Variants in SLC35F4 observed in about 807,000 individuals in gnomAD.
The protein encoded by SLC35F4 is chromosome 14 open reading frame 36.
In SLC35F4, 24 loss-of-function variants were observed where a neutral mutation model predicts 44.2. That is an observed-to-expected ratio of 0.54 (90% confidence interval 0.39 to 0.76). The LOEUF (loss-of-function observed/expected upper bound fraction) is 0.76. Ranked by LOEUF, SLC35F4 falls within the 30% of genes least tolerant of loss-of-function variation. The probability of loss-of-function intolerance (pLI) is 0.00; values close to 1 mark genes in which losing one functional copy is unlikely to be tolerated. For missense variants in SLC35F4, 562 were observed against 586.1 expected (o/e 0.96, Z 0.42); for synonymous variants, 238 against 223.6 (o/e 1.06, Z -0.57).
chr14:57,913,092 T>A (rs1233465811), intron 1 of SLC35F4, among the ~76,000 whole-genome samples: 1 of 152,098 alleles, frequency 6.6e-6, no homozygotes, highest in Non-Finnish European at 1.5e-5. Context: ...ACTACCACTT[T>A]CTTTTCATTA....
intron 1 of SLC35F4, among the ~76,000 whole-genome samples, chr14:57,766,641 C>T (rs915451743): frequency 6.6e-6 from 1 of 152,164 alleles, no homozygotes; most frequent in East Asian, 1.9e-4. Flanking sequence ...ACATTGGGTA[C>T]TTAAAATGAA....
chr14:57,662,386 A>T (rs1344681278), intron 1 of SLC35F4, among the ~76,000 whole-genome samples: 2 of 152,210 alleles, frequency 1.3e-5, no homozygotes, highest in East Asian at 3.8e-4. Flanking sequence ...AGAGTTGGAC[A>T]TTTAAGAAAT....
At chr14:57,632,302 C>T (rs550220794) in intron 1 of SLC35F4, among the ~76,000 whole-genome samples, 3 of 151,954 alleles carry the variant, frequency 2.0e-5, no homozygotes, top group South Asian at 2.1e-4. Flanking sequence ...TTTTGAATGT[C>T]TGGATCAAAA....
rs370955700 is a variant in SLC35F4, at chr14:57,585,003, G to A, written c.588-3570C>T. Reference sequence around the variant, plus strand: ...AATGCAAGATCATGTCTATTTGGATGGGAATCAAATATAAAATATCTTTAG... The same window carrying A: ...AATGCAAGATCATGTCTATTTGGATAGGAATCAAATATAAAATATCTTTAG... On this transcript the variant is annotated intron_variant, in intron 3 of 7. Coordinates refer to ENST00000556826, the MANE Select transcript of SLC35F4 (RefSeq NM_001306087.2). Among the ~76,000 whole-genome samples, 3 of 152,116 alleles carry A rather than the reference G, an allele frequency of 2.0e-5. No homozygotes were observed. The East Asian group carries it at 5.8e-4, about 29-fold the overall frequency.
intron 1 of SLC35F4, among the ~76,000 whole-genome samples, chr14:57,747,168 TCAGAA>T (rs1212048525): frequency 8.5e-5 from 13 of 152,144 alleles, no homozygotes; most frequent in Admixed American, 8.5e-4. Flanking sequence ...GAAGGTTATC[TCAGAA>T]CAAAGGGCCT....
At chr14:57,814,060 T>C (rs969261995) in intron 1 of SLC35F4, among the ~76,000 whole-genome samples, 4 of 152,218 alleles carry the variant, frequency 2.6e-5, no homozygotes, top group Admixed American at 1.3e-4. Context: ...AGGATGCAGC[T>C]GTATGTATGT....
At chr14:57,789,699 A>C (rs2077864091) in intron 1 of SLC35F4, among the ~76,000 whole-genome samples, 1 of 152,112 alleles carries the variant, frequency 6.6e-6, no homozygotes. Flanking sequence ...ACCAAAAATA[A>C]AATTTCAGAC....
At chr14:57,874,581 C>T (rs1331722057) in intron 1 of SLC35F4, among the ~76,000 whole-genome samples, 1 of 152,172 alleles carries the variant, frequency 6.6e-6, no homozygotes, top group African/African-American at 2.4e-5. Flanking sequence ...ACAGATGGTT[C>T]AGAGGCCCCT....
At position 57,637,086 on chromosome 14, in the gene SLC35F4, C is replaced by T. The variant is rs150620992; in HGVS notation, c.104-42962G>A. 5.8e-3 allele frequency among the ~76,000 whole-genome samples: 882 copies of T among 152,164 alleles called. 9 individuals carry two copies. The highest frequency in any genetic ancestry group is 0.02 in the African/African-American group (817 of 41,526). Reference sequence around the variant, plus strand: ...AGTTTATACAAAGAAGCTTTGCATACGTTATGTCATTGGACCTCAGAGCAA... The same window carrying T: ...AGTTTATACAAAGAAGCTTTGCATATGTTATGTCATTGGACCTCAGAGCAA... On this transcript the variant is annotated intron_variant, in intron 1 of 7. Coordinates refer to ENST00000556826, the MANE Select transcript of SLC35F4 (RefSeq NM_001306087.2).
At chr14:57,683,460 C>T (rs2074969023) in intron 1 of SLC35F4, among the ~76,000 whole-genome samples, 1 of 111,164 alleles carries the variant, frequency 9.0e-6, no homozygotes, top group Non-Finnish European at 2.2e-5. Context: ...ATCGCCTTTT[C>T]CCCTTCAATC....
intron 1 of SLC35F4, among the ~76,000 whole-genome samples, chr14:57,944,422 G>C (rs921319688): frequency 6.6e-6 from 1 of 152,014 alleles, no homozygotes; most frequent in African/African-American, 2.4e-5. Flanking sequence ...CAGAGTTCTT[G>C]TTTCCTAACA....
At chr14:57,679,723 C>A (rs2140299337) in intron 1 of SLC35F4, among the ~76,000 whole-genome samples, 1 of 152,098 alleles carries the variant, frequency 6.6e-6, no homozygotes, top group Non-Finnish European at 1.5e-5. Context: ...ATACAAACTA[C>A]CATCAGAGAA....
intron 1 of SLC35F4, among the ~76,000 whole-genome samples, chr14:57,911,913 C>T (rs1889222894): frequency 6.6e-6 from 1 of 151,836 alleles, no homozygotes; most frequent in African/African-American, 2.4e-5. Context: ...GGGCCTAATG[C>T]TTTCTATTTT....
At chr14:57,721,724 G>T (rs1321782856) in intron 1 of SLC35F4, among the ~76,000 whole-genome samples, 3 of 152,172 alleles carry the variant, frequency 2.0e-5, no homozygotes, top group Non-Finnish European at 4.4e-5. Flanking sequence ...CCCTGATGAA[G>T]TGGGGGACAC....
At chr14:57,980,363 C>A (rs1217142663) in intron 1 of SLC35F4, among the ~76,000 whole-genome samples, 4 of 152,160 alleles carry the variant, frequency 2.6e-5, no homozygotes, top group African/African-American at 9.7e-5. Flanking sequence ...GTCTTGTTGC[C>A]TGAACAGGGT....
At chr14:57,613,432 C>T (rs2071625027) in intron 1 of SLC35F4, among the ~76,000 whole-genome samples, 1 of 152,248 alleles carries the variant, frequency 6.6e-6, no homozygotes, top group Non-Finnish European at 1.5e-5. Flanking sequence ...CTCCTATGTC[C>T]CCTGTCCTCC....
intron 1 of SLC35F4, among the ~76,000 whole-genome samples, chr14:57,969,636 A>G (rs1351235759): frequency 6.6e-6 from 1 of 152,154 alleles, no homozygotes; most frequent in East Asian, 1.9e-4. Context: ...TGTGTTTTCC[A>G]TGTTGCATAA....
At chr14:57,566,882 G>A (rs1406864201) in intron 6 of SLC35F4, among the ~76,000 whole-genome samples, 1 of 152,232 alleles carries the variant, frequency 6.6e-6, no homozygotes, top group Non-Finnish European at 1.5e-5. Flanking sequence ...CCAGCCAGAG[G>A]TTAAAAGCAG....
Position 57,589,199 on chromosome 14 carries a change from G to A in SLC35F4, c.587+17C>T. 6.3e-7 allele frequency: 1 copy of A among 1,586,308 alleles called. No homozygotes were observed. The highest frequency in any genetic ancestry group is 8.6e-7 in the Non-Finnish European group (1 of 1,167,770). The stretch of plus-strand genomic sequence containing the variant: ...CATTTCAATGATCTCTTATTGGGCA[G>A]TTAACATGAAACCTACCTGAATTTT... On this transcript the variant is annotated intron_variant, in intron 3 of 7. Coordinates refer to ENST00000556826, the MANE Select transcript of SLC35F4 (RefSeq NM_001306087.2).
Sources: gnomAD v4.1 joint callset for allele counts (sites outside exome capture counted in the v4.1 genomes callset) on GRCh38, gnomAD v4.1.1 for gene constraint, MANE v1.5 for transcripts, NCBI Gene and HGNC (gene_info 2026-07-23, HGNC 2026-07-21) for gene names.